The following MARCHF6 variants were observed in gnomAD, a reference collection of about 807,000 sequenced individuals.
MARCHF6 encodes the protein E3 ubiquitin-protein ligase MARCHF6.
In MARCHF6, 31 loss-of-function variants were observed where a neutral mutation model predicts 133.7. The ratio of observed to expected loss-of-function variants is 0.23; its 90% CI spans 0.17 to 0.31. MARCHF6 has a LOEUF of 0.31. Among genes scored for constraint, MARCHF6 ranks in the 10% least tolerant of loss-of-function variants. The probability of loss-of-function intolerance (pLI) is 1.00; values close to 1 mark genes in which losing one functional copy is unlikely to be tolerated. For synonymous variants in MARCHF6, 395 were observed against 402.5 expected (o/e 0.98, Z 0.22); for missense variants, 723 against 1,121.6 (o/e 0.64, Z 5.08).
Position 10,353,849 on chromosome 5 carries a change from C to T in MARCHF6, c.-50C>T, listed in dbSNP as rs1438596017. ...CTCCTCTCCCCTCCCTCTTTCCCCG[C>T]CCGGCCGCGGGAGCCTCGTGGCTGC... On this transcript the variant is annotated 5_prime_UTR_variant, in exon 1 of 26. Transcript: ENST00000274140. 1 of 1,539,700 alleles carries T rather than the reference C, an allele frequency of 6.5e-7. No individual in the cohort carries two copies. The highest frequency in any genetic ancestry group is 1.2e-5 in the South Asian group (1 of 84,210).
chr5:10,360,900 A>G (rs1281179455), intron 1 of MARCHF6, among the ~76,000 whole-genome samples: 3 of 152,242 alleles, frequency 2.0e-5, no homozygotes, highest in Non-Finnish European at 4.4e-5. Flanking sequence ...CCTCTTCCAG[A>G]TGCCTACTTC....
intron 9 of MARCHF6, 133 bp from the exon 10 acceptor site, chr5:10,397,160 C>A: frequency 1.7e-6 from 1 of 579,820 alleles, no homozygotes. Flanking sequence ...GATTGAAATC[C>A]CAAAACAATA....
Position 10,417,162 on chromosome 5 carries a change from G to GGAT in MARCHF6, c.2149-105_2149-103dup, listed in dbSNP as rs1739558439. The GGAT allele has an allele frequency of 1.7e-5, 22 of 1,259,550 alleles. No homozygotes were observed. In the South Asian group the frequency reaches 3.2e-4, roughly 18 times the overall value. The allele number at this position is 1,259,550 out of a possible 1,614,324, so 78.0% of individuals were successfully genotyped here. A position where few individuals can be genotyped will look rare whatever the true frequency, so the allele number is the denominator to read the frequency against. On this transcript the variant is annotated intron_variant, in intron 21 of 25. Coordinates refer to ENST00000274140, the MANE Select transcript of MARCHF6 (RefSeq NM_005885.4). ...AAAACCAGTCCCCGTGGATACTGAG[G>GGAT]GATGACTGTGGTTGCTCTGTTAGGC...
At chr5:10,364,204 A>AGGTAGAGCAGTTGGAATTTTC (rs1478031976) in intron 1 of MARCHF6, among the ~76,000 whole-genome samples, 1 of 152,196 alleles carries the variant, frequency 6.6e-6, no homozygotes, top group Non-Finnish European at 1.5e-5. Flanking sequence ...GTTTGTAAGG[A>AGGTAGAGCAGTTGGAATTTTC]GGTAGAGCAG....
Position 10,435,669 on chromosome 5 carries a change from ATATATATATATATATATATATATATATAT to A in MARCHF6, c.*1987_*2015del. The A allele has an allele frequency of 1.5e-4, 1 of 6,626 alleles. No homozygotes were observed. Among genetic ancestry groups the A allele is most frequent in the East Asian group, 6.6e-3 (1 of 152 alleles). The allele number at this position is 6,626 out of a possible 1,614,324, so 0.4% of individuals were successfully genotyped here. On this transcript the variant is annotated 3_prime_UTR_variant, in exon 26 of 26. Transcript: ENST00000274140. ...TATATATATATATATATATATATAT[ATATATATATATATATATATATATATATAT>A]TTTTTTTTTTTTTTTTTTTTTTTTT...
At chr5:10,415,739 T>C in intron 21 of MARCHF6, 70 bp downstream of exon 21, 2 of 953,082 alleles carry the variant, frequency 2.1e-6, no homozygotes, top group East Asian at 3.7e-5. Flanking sequence ...TCATCTTAAA[T>C]TTTTTTTTTT....
Position 10,402,413 on chromosome 5 carries a change from A to G in MARCHF6, c.1083A>G (p.Arg361=). The G allele has an allele frequency of 6.2e-7, 1 of 1,613,970 alleles. No homozygotes were observed. The highest frequency in any genetic ancestry group is 8.5e-7 in the Non-Finnish European group (1 of 1,179,928). The change falls in exon 13 of 26, where the codon AGA becomes AGG. Residue 361 remains arginine, a synonymous_variant. Coordinates refer to ENST00000274140, the MANE Select transcript of MARCHF6 (RefSeq NM_005885.4). ...HGLATLVKFH[R]SRRLLGVCYI... ...TGGCAACTCTTGTGAAATTTCATAG[A>G]TCTCGTCGCTTACTGGGAGTCTGCT...
chr5:10,428,064 C>G (rs929200069), intron 24 of MARCHF6, among the ~76,000 whole-genome samples: 1 of 144,840 alleles, frequency 6.9e-6, no homozygotes, highest in Non-Finnish European at 1.5e-5. Context: ...GACCCTGTCT[C>G]AAAAAAAAAA....
At chr5:10,356,343 ATTTATTTTATTTTAT>A (rs56348470) in intron 1 of MARCHF6, among the ~76,000 whole-genome samples, 2,680 of 101,446 alleles carry the variant, frequency 0.026, 38 homozygotes, top group Admixed American at 0.033. Context: ...TCTGTTTTTT[ATTTATTTTATTTTAT>A]TTTATTTTAT....
intron 1 of MARCHF6, among the ~76,000 whole-genome samples, chr5:10,368,535 G>C (rs113055821): frequency 6.6e-6 from 1 of 152,234 alleles, no homozygotes; most frequent in African/African-American, 2.4e-5. Context: ...CCAGCTGGGA[G>C]GCTGAGGCAG....
chr5:10,381,953 C>T lies in MARCHF6; in HGVS notation c.334+10C>T. On this transcript the variant is annotated intron_variant, in intron 4 of 25. Coordinates refer to ENST00000274140, the MANE Select transcript of MARCHF6 (RefSeq NM_005885.4). ...GTTCCTCTTACAGCATGTGAGTATT[C>T]ATGCCTCTGATTGGAGTTATTTAAA... The T allele has an allele frequency of 1.2e-6, 2 of 1,610,862 alleles. No homozygotes were observed. Among genetic ancestry groups the T allele is most frequent in the Non-Finnish European group, 1.7e-6 (2 of 1,178,338 alleles).
intron 4 of MARCHF6, among the ~76,000 whole-genome samples, chr5:10,383,425 G>A (rs2567584): frequency 0.22 from 33,410 of 152,080 alleles, 5,392 homozygotes; most frequent in East Asian, 0.67. Context: ...CAAGTTTTCT[G>A]GAGCTGGGTA....
intron 1 of MARCHF6, among the ~76,000 whole-genome samples, chr5:10,371,446 C>T (rs1273431969): frequency 6.6e-6 from 1 of 152,140 alleles, no homozygotes; most frequent in Non-Finnish European, 1.5e-5. Context: ...CTGGGGAAGC[C>T]TCACAATCAT....
intron 23 of MARCHF6, among the ~76,000 whole-genome samples, chr5:10,425,795 TC>T (rs1004549596): frequency 3.3e-5 from 5 of 152,254 alleles, no homozygotes; most frequent in African/African-American, 1.2e-4. Context: ...ATCCATTCTT[TC>T]CTCTGCATTA....
At chr5:10,410,110 A>G (rs749461492) in intron 17 of MARCHF6, 29 bp from the exon 18 acceptor site, 19 of 1,610,922 alleles carry the variant, frequency 1.2e-5, no homozygotes, top group Non-Finnish European at 1.5e-5. Context: ...GCAAAATACA[A>G]TTCACATTAT....
At chr5:10,399,689 C>T (rs935499457) in intron 10 of MARCHF6, among the ~76,000 whole-genome samples, 1 of 152,164 alleles carries the variant, frequency 6.6e-6, no homozygotes, top group Non-Finnish European at 1.5e-5. Context: ...TATTCAAACT[C>T]TCTGGGTTGT....
At chr5:10,356,249 A>G (rs1735450753) in intron 1 of MARCHF6, among the ~76,000 whole-genome samples, 1 of 151,608 alleles carries the variant, frequency 6.6e-6, no homozygotes, top group Non-Finnish European at 1.5e-5. Context: ...TTGGTAGGAG[A>G]TATTCAAAGT....
chr5:10,381,775 G>GT, intron 3 of MARCHF6, 25 bp from the exon 4 acceptor site: 2 of 1,554,342 alleles, frequency 1.3e-6, no homozygotes, highest in South Asian at 2.4e-5. Context: ...TCATGAAACT[G>GT]TAAGTACTTT....
At position 10,415,629 on chromosome 5, in the gene MARCHF6, G is replaced by A. The variant is rs772135999; in HGVS notation, c.2108G>A (p.Arg703His). 1.3e-5 allele frequency: 21 copies of A among 1,614,020 alleles called. No homozygotes were observed. The highest frequency in any genetic ancestry group is 1.1e-4 in the South Asian group (10 of 91,074). Residue 703 changes from arginine (R) to histidine (H), a missense_variant, in exon 21 of 26, where the codon CGC (arginine) becomes CAC (histidine). This residue lies in a region of MARCHF6 where 492 missense variants were observed against 699.5 expected (regional missense o/e 0.70). Coordinates refer to ENST00000274140, the MANE Select transcript of MARCHF6 (RefSeq NM_005885.4). ...ATGGTGGCATGGATGCCTCAGGGAC[G>A]CAGAGTGATCTTCCAGAAGGTTAAA... is the stretch of plus-strand genomic sequence containing the variant. ...TVMVAWMPQG[R>H]RVIFQKVKEW...
Sources: gnomAD v4.1 joint callset for allele counts (sites outside exome capture counted in the v4.1 genomes callset) on GRCh38, gnomAD v4.1.1 for gene constraint, gnomAD v4.1.1 regional missense constraint, MANE v1.5 for transcripts, NCBI Gene and HGNC (gene_info 2026-07-23, HGNC 2026-07-21) for gene names.